NBEA: variants seen among roughly 807,000 people sequenced by gnomAD.
NBEA encodes the protein lysosomal-trafficking regulator 2.
In NBEA, 44 loss-of-function variants were observed where a neutral mutation model predicts 343.4. The observed-to-expected ratio is 0.13, with a 90% CI of 0.10 to 0.16. NBEA has a LOEUF of 0.16. Among genes scored for constraint, NBEA ranks in the 10% least tolerant of loss-of-function variants. The pLI is 1.00. For missense variants in NBEA, 2,555 were observed against 3,631.3 expected (o/e 0.70, Z 7.62); for synonymous variants, 1,175 against 1,238.7 (o/e 0.95, Z 1.08).
chr13:35,440,965 T>G (rs1044187155), intron 39 of NBEA, among the ~76,000 whole-genome samples: 3 of 152,210 alleles, frequency 2.0e-5, no homozygotes, highest in African/African-American at 7.2e-5. Context: ...TTAGTATCAT[T>G]CCCAGGATAT....
chr13:35,404,077 C>T (rs1222888374), intron 38 of NBEA, among the ~76,000 whole-genome samples: 3 of 152,186 alleles, frequency 2.0e-5, no homozygotes, highest in African/African-American at 2.4e-5. Flanking sequence ...GTTAGAATGG[C>T]GATCATTAAA....
intron 34 of NBEA, among the ~76,000 whole-genome samples, chr13:35,277,005 C>T (rs186779548): frequency 8.5e-5 from 13 of 152,224 alleles, no homozygotes; most frequent in African/African-American, 2.9e-4. Context: ...TAATGGAAAG[C>T]ATGCATGCAG....
Position 35,041,223 on chromosome 13 carries a change from C to T in NBEA, c.526+59C>T, listed in dbSNP as rs2062635958. The stretch of plus-strand genomic sequence containing the variant: ...AATGTTTATAAAGTTTCACATACTT[C>T]TCTTTATATTCTATAGGTAATGTAG... On this transcript the variant is annotated intron_variant, in intron 2 of 58. Transcript: ENST00000379939. 13 of 1,284,364 alleles carry T rather than the reference C, an allele frequency of 1.0e-5. No homozygotes were observed. The South Asian group carries it at 1.6e-4, about 15-fold the overall frequency. 79.6% of individuals were successfully genotyped at this position (1,284,364 alleles called of 1,614,324 possible). A position where few individuals can be genotyped will look rare whatever the true frequency, so the allele number is the denominator to read the frequency against.
At chr13:35,429,679 A>C (rs1193293505) in intron 38 of NBEA, among the ~76,000 whole-genome samples, 1 of 152,072 alleles carries the variant, frequency 6.6e-6, no homozygotes, top group Non-Finnish European at 1.5e-5. Context: ...TATGTGAATA[A>C]GTTATTTAAG....
At chr13:35,437,762 T>G (rs891993162) in intron 39 of NBEA, among the ~76,000 whole-genome samples, 4 of 152,156 alleles carry the variant, frequency 2.6e-5, no homozygotes, top group Admixed American at 1.3e-4. Context: ...CACCTTCTGA[T>G]CTGCAGAATT....
chr13:35,644,565 T>A (rs2084127341), intron 49 of NBEA, among the ~76,000 whole-genome samples: 1 of 152,188 alleles, frequency 6.6e-6, no homozygotes, highest in South Asian at 2.1e-4. Context: ...CCCCGGCTCC[T>A]CGCCCCCACT....
chr13:35,599,438 G>C (rs1247664252), intron 47 of NBEA, among the ~76,000 whole-genome samples: 1 of 152,228 alleles, frequency 6.6e-6, no homozygotes, highest in African/African-American at 2.4e-5. Context: ...CTGGGCGGCA[G>C]AATCTACAGT....
chr13:35,137,915 A>C (rs1241936020), intron 17 of NBEA, among the ~76,000 whole-genome samples: 2 of 152,146 alleles, frequency 1.3e-5, no homozygotes, highest in Non-Finnish European at 2.9e-5. Flanking sequence ...TATTCAAGAA[A>C]ATTAAAAAAA....
intron 39 of NBEA, among the ~76,000 whole-genome samples, chr13:35,440,126 C>T (rs527809347): frequency 1.3e-5 from 2 of 152,192 alleles, no homozygotes; most frequent in African/African-American, 4.8e-5. Flanking sequence ...GTGATCCACC[C>T]GTCTTGGCCT....
chr13:35,532,056 G>T (rs1394839189), intron 41 of NBEA, among the ~76,000 whole-genome samples: 1 of 152,168 alleles, frequency 6.6e-6, no homozygotes, highest in Non-Finnish European at 1.5e-5. Context: ...GACATAGAAA[G>T]TAGAGTAGGG....
chr13:35,439,510 T>G (rs1470816846), intron 39 of NBEA, among the ~76,000 whole-genome samples: 3 of 152,192 alleles, frequency 2.0e-5, no homozygotes, highest in South Asian at 2.1e-4. Flanking sequence ...TTGAATGGCC[T>G]TAATATTTGG....
intron 18 of NBEA, among the ~76,000 whole-genome samples, chr13:35,153,626 CA>C (rs1566372406): frequency 6.6e-6 from 1 of 152,142 alleles, no homozygotes; most frequent in Non-Finnish European, 1.5e-5. Flanking sequence ...ATCTTCCTAG[CA>C]GTTTTATTAG....
At chr13:35,124,697 T>TAC (rs895718395) in intron 17 of NBEA, among the ~76,000 whole-genome samples, 1 of 151,460 alleles carries the variant, frequency 6.6e-6, no homozygotes, top group African/African-American at 2.4e-5. Flanking sequence ...TGGATATATA[T>TAC]ACACACATAT....
intron 41 of NBEA, among the ~76,000 whole-genome samples, chr13:35,481,346 G>A (rs375835363): frequency 6.6e-6 from 1 of 151,680 alleles, no homozygotes; most frequent in Admixed American, 6.6e-5. Context: ...TTTTCTTTTG[G>A]TAGAAAAAGA....
At chr13:35,073,303 C>T (rs1416948592) in intron 10 of NBEA, among the ~76,000 whole-genome samples, 1 of 152,000 alleles carries the variant, frequency 6.6e-6, no homozygotes, top group Admixed American at 6.6e-5. Context: ...ATAAATTGTT[C>T]TAGATTAAGG....
At chr13:35,536,446 T>C (rs2078548079) in intron 41 of NBEA, among the ~76,000 whole-genome samples, 1 of 152,178 alleles carries the variant, frequency 6.6e-6, no homozygotes, top group Admixed American at 6.6e-5. Flanking sequence ...GACTTTACTT[T>C]TTTAGAACAG....
At chr13:35,544,416 A>C (rs980866303) in intron 41 of NBEA, among the ~76,000 whole-genome samples, 1 of 152,210 alleles carries the variant, frequency 6.6e-6, no homozygotes, top group African/African-American at 2.4e-5. Context: ...AAAAGAAAAA[A>C]AGGTGAAACT....
chr13:34,945,543 C>G (rs554269612), intron 1 of NBEA, among the ~76,000 whole-genome samples: 2 of 151,992 alleles, frequency 1.3e-5, no homozygotes, highest in South Asian at 4.2e-4. Context: ...GTTTGGAAAC[C>G]TTTAATATTA....
In NBEA at chr13:34,970,731, T is replaced by A. The variant is rs118076698; in HGVS notation, c.294+27617T>A. Among the ~76,000 whole-genome samples, 610 of 152,272 alleles carry A rather than the reference T, an allele frequency of 4.0e-3. 2 individuals are homozygous for A. Among genetic ancestry groups the A allele is most frequent in the South Asian group, 6.6e-3 (32 of 4,822 alleles). On this transcript the variant is annotated intron_variant, in intron 1 of 58. Coordinates refer to ENST00000379939, the MANE Select transcript of NBEA (RefSeq NM_001385012.1). The stretch of plus-strand genomic sequence containing the variant: ...TTCTGGGTTCTTTTTTCTGTTGATC[T>A]GTGTGTCTGTTCTTGTGCCAACACC...
Sources: gnomAD v4.1 joint callset for allele counts (sites outside exome capture counted in the v4.1 genomes callset) on GRCh38, gnomAD v4.1.1 for gene constraint, MANE v1.5 for transcripts, NCBI Gene and HGNC (gene_info 2026-07-23, HGNC 2026-07-21) for gene names.